The following DNAH10 variants were observed in gnomAD, a reference collection of about 807,000 sequenced individuals.
DNAH10 encodes axonemal beta dynein heavy chain 10.
A neutral mutation model predicts 506.6 loss-of-function variants in DNAH10; 348 were observed. The observed-to-expected ratio is 0.69, with a 90% CI of 0.63 to 0.75. DNAH10 has a LOEUF of 0.75. Among genes scored for constraint, DNAH10 ranks in the 30% least tolerant of loss-of-function variants. The pLI is 0.00. For synonymous variants in DNAH10, 2,059 were observed against 2,198.6 expected (o/e 0.94, Z 1.78); for missense variants, 5,179 against 5,787.1 (o/e 0.89, Z 3.41).
At chr12:123,904,192 G>A (rs1953667612) in intron 57 of DNAH10, among the ~76,000 whole-genome samples, 1 of 152,204 alleles carries the variant, frequency 6.6e-6, no homozygotes, top group South Asian at 2.1e-4. Flanking sequence ...TGCTGCTGTG[G>A]TCAGCAAGAA....
chr12:123,825,283 G>A (rs1959854930), intron 24 of DNAH10, among the ~76,000 whole-genome samples: 1 of 152,164 alleles, frequency 6.6e-6, no homozygotes, highest in Non-Finnish European at 1.5e-5. Flanking sequence ...CGAGTCCAAG[G>A]TGTTTACCTG....
chr12:123,791,632 A>G (rs557048561), intron 11 of DNAH10, among the ~76,000 whole-genome samples: 11 of 152,094 alleles, frequency 7.2e-5, no homozygotes, highest in Admixed American at 3.3e-4. Flanking sequence ...GCTAAAGTGC[A>G]GTGGTGTGAT....
intron 19 of DNAH10, 39 bp from the exon 20 acceptor site, chr12:123,813,125 C>T (rs766347365): frequency 1.3e-6 from 2 of 1,521,400 alleles, no homozygotes; most frequent in African/African-American, 2.8e-5. Context: ...AAAATAGATA[C>T]TAAAATACTG....
chr12:123,892,974 C>T (rs7967147), intron 52 of DNAH10, among the ~76,000 whole-genome samples: 19,038 of 152,242 alleles, frequency 0.13, 2,049 homozygotes, highest in African/African-American at 0.3. Context: ...TCATGCTCTG[C>T]ATGCTCCCTG....
intron 2 of DNAH10, among the ~76,000 whole-genome samples, chr12:123,768,358 C>T (rs1413813396): frequency 6.6e-6 from 1 of 152,030 alleles, no homozygotes; most frequent in Non-Finnish European, 1.5e-5. Context: ...TGGTCTTGAA[C>T]TCCCGTCCTC....
At position 123,783,830 on chromosome 12, in the gene DNAH10, G is replaced by A. The variant is rs544747208; in HGVS notation, c.1000-117G>A. 4 of 918,546 alleles carry A rather than the reference G, an allele frequency of 4.4e-6. No homozygotes were observed. In the South Asian group the frequency reaches 6.5e-5, roughly 15 times the overall value. The allele number at this position is 918,546 out of a possible 1,614,324, so 56.9% of individuals were successfully genotyped here. The stretch of plus-strand genomic sequence containing the variant: ...CACCCAGGGTCAAGAGCCCACCCCT[G>A]AAGACCCTGAAGGATTGGAGCAGTT... On this transcript the variant is annotated intron_variant, in intron 7 of 78. Coordinates refer to ENST00000673944, the MANE Select transcript of DNAH10 (RefSeq NM_001372106.1).
At chr12:123,802,043 T>C (rs1014067847) in intron 16 of DNAH10, among the ~76,000 whole-genome samples, 3 of 152,354 alleles carry the variant, frequency 2.0e-5, no homozygotes, top group Middle Eastern at 6.8e-3. Context: ...GCCTAAGTCT[T>C]CAAAGATCTG....
At chr12:123,883,940 C>T (rs1483005086) in intron 51 of DNAH10, among the ~76,000 whole-genome samples, 2 of 152,142 alleles carry the variant, frequency 1.3e-5, no homozygotes, top group Non-Finnish European at 2.9e-5. Flanking sequence ...CTCATGTCTA[C>T]CTCAGAACCT....
At position 123,800,294 on chromosome 12, in the gene DNAH10, G is replaced by T. The variant is rs772115964; in HGVS notation, c.2368G>T (p.Glu790Ter). 7 of 1,614,010 alleles carry T rather than the reference G, an allele frequency of 4.3e-6. No homozygotes were observed. The African/African-American group carries it at 9.3e-5, about 22-fold the overall frequency. Reference protein sequence around the residue: ...FAINFSPALREIINETKYLEQ... With the variant: ...FAINFSPALR The stretch of plus-strand genomic sequence containing the variant: ...AATCAACTTTTCACCGGCTCTCAGA[G>T]AGATTATTAATGAAACAAAGTACTT... Residue 790 changes from glutamate to a stop codon, truncating the protein, a stop_gained, in exon 15 of 79, where the codon GAG becomes TAG. Transcript: ENST00000673944. LOFTEE classifies it high-confidence loss of function.
intron 13 of DNAH10, among the ~76,000 whole-genome samples, chr12:123,798,589 G>C (rs1958365203): frequency 6.6e-6 from 1 of 152,074 alleles, no homozygotes; most frequent in African/African-American, 2.4e-5. Flanking sequence ...TGGGAGGACA[G>C]AGATCTGTGC....
chr12:123,841,592 C>A, intron 30 of DNAH10, 47 bp downstream of exon 30: 2 of 1,545,832 alleles, frequency 1.3e-6, no homozygotes, highest in South Asian at 2.3e-5. Context: ...AATTCATAGT[C>A]ATAATGGATT....
intron 5 of DNAH10, among the ~76,000 whole-genome samples, chr12:123,774,718 T>G (rs1957375986): frequency 6.6e-6 from 1 of 152,254 alleles, no homozygotes; most frequent in African/African-American, 2.4e-5. Context: ...AAGAATGGCT[T>G]TCAGCGGTTT....
At chr12:123,904,763 A>G (rs1953697710) in intron 57 of DNAH10, among the ~76,000 whole-genome samples, 1 of 152,142 alleles carries the variant, frequency 6.6e-6, no homozygotes, top group South Asian at 2.1e-4. Context: ...CGGCTGCATC[A>G]GGGTCTTCAT....
rs530977001 is a variant in DNAH10, at chr12:123,882,074, A to G, written c.8823+261A>G. On this transcript the variant is annotated intron_variant, in intron 51 of 78. Transcript: ENST00000673944. ...ATCCTGATAAAATAATCATAAGTCA[A>G]AAATATTGTCAGTTGAAAATACATT... The G allele has an allele frequency of 5.0e-4, 180 of 358,694 alleles. 1 individual carries two copies. Among genetic ancestry groups the G allele is most frequent in the African/African-American group, 3.5e-3 (170 of 48,016 alleles). 22.2% of individuals were successfully genotyped at this position (358,694 alleles called of 1,614,324 possible).
chr12:123,909,485 T>C lies in DNAH10; in HGVS notation c.9997+43T>C. 1 of 1,500,774 alleles carries C rather than the reference T, an allele frequency of 6.7e-7. No individual in the cohort carries two copies. Among genetic ancestry groups the C allele is most frequent in the Non-Finnish European group, 8.9e-7 (1 of 1,119,788 alleles). 93.0% of individuals were successfully genotyped at this position (1,500,774 alleles called of 1,614,324 possible). On this transcript the variant is annotated intron_variant, in intron 58 of 78. Transcript: ENST00000673944. This position sits in a 1 kb window ranked among gnomAD's most constrained non-coding sequence, Gnocchi z 5.4. Reference sequence around the variant, plus strand: ...TGGGAATCGCCAGGGTGGATCTCGGTCTGGCATCTCAGGCTCTGGGACAGG... The same window carrying C: ...TGGGAATCGCCAGGGTGGATCTCGGCCTGGCATCTCAGGCTCTGGGACAGG...
intron 1 of DNAH10, among the ~76,000 whole-genome samples, chr12:123,765,582 A>G (rs976496643): frequency 1.3e-5 from 2 of 150,772 alleles, no homozygotes; most frequent in African/African-American, 4.9e-5. Context: ...CTATCTATCT[A>G]TCTATCTATC....
intron 23 of DNAH10, 128 bp downstream of exon 23, chr12:123,819,378 T>G: frequency 1.4e-6 from 1 of 726,924 alleles, no homozygotes; most frequent in Non-Finnish European, 2.2e-6. Context: ...CCTCAAATAC[T>G]TTTTTCTTGG....
intron 41 of DNAH10, among the ~76,000 whole-genome samples, chr12:123,866,548 T>G (rs1172157731): frequency 1.3e-5 from 2 of 152,168 alleles, no homozygotes; most frequent in East Asian, 3.9e-4. Context: ...ACCGACACAC[T>G]TATTTAATTT....
At position 123,767,705 on chromosome 12, in the gene DNAH10, G is replaced by A. The variant is rs1239055049; in HGVS notation, c.298+16G>A. ...AAAGTGCGAGGTGTGGAGTTGGGAG[G>A]GGTCATGGGAGGGTGGAACTGAGAA... is the stretch of plus-strand genomic sequence containing the variant. On this transcript the variant is annotated intron_variant, in intron 2 of 78. Coordinates refer to ENST00000673944, the MANE Select transcript of DNAH10 (RefSeq NM_001372106.1). 2.5e-6 allele frequency: 4 copies of A among 1,605,588 alleles called. No homozygotes were observed. The highest frequency in any genetic ancestry group is 3.4e-6 in the Non-Finnish European group (4 of 1,175,666).
Sources: gnomAD v4.1 joint callset for allele counts (sites outside exome capture counted in the v4.1 genomes callset) on GRCh38, gnomAD v4.1.1 for gene constraint, Gnocchi (gnomAD v3.1) non-coding constraint, MANE v1.5 for transcripts, NCBI Gene and HGNC (gene_info 2026-07-23, HGNC 2026-07-21) for gene names.